The following PCDH15 variants were observed in gnomAD, a reference collection of about 807,000 sequenced individuals.
PCDH15 encodes protocadherin related 15.
A neutral mutation model predicts 178.5 loss-of-function variants in PCDH15; 129 were observed. The observed-to-expected ratio is 0.72, with a 90% CI of 0.63 to 0.84. The LOEUF (loss-of-function observed/expected upper bound fraction) is 0.84, where lower values mean the gene tolerates loss of function less well. Among genes scored for constraint, PCDH15 ranks in the 40% least tolerant of loss-of-function variants. The pLI, the probability that PCDH15 is intolerant of heterozygous loss-of-function variation, is 0.00. For synonymous variants in PCDH15, 800 were observed against 732.0 expected (o/e 1.09, Z -1.50); for missense variants, 2,230 against 2,099.9 (o/e 1.06, Z -1.21).
chr10:55,047,484 T>A (rs937028423), intron 2 of PCDH15, among the ~76,000 whole-genome samples: 1 of 151,882 alleles, frequency 6.6e-6, no homozygotes, highest in African/African-American at 2.4e-5. Flanking sequence ...AGATATTTTC[T>A]TATAAAAGTA....
chr10:54,049,769 C>A (rs890181172), intron 18 of PCDH15, among the ~76,000 whole-genome samples: 1 of 151,936 alleles, frequency 6.6e-6, no homozygotes, highest in African/African-American at 2.4e-5. Flanking sequence ...TACAAGCACC[C>A]GCCACCAAGC....
intron 2 of PCDH15, among the ~76,000 whole-genome samples, chr10:55,033,474 A>T (rs1398347284): frequency 6.6e-6 from 1 of 151,686 alleles, no homozygotes; most frequent in Non-Finnish European, 1.5e-5. Flanking sequence ...TGTGTTTTGG[A>T]CTCACTTGGG....
At chr10:54,492,830 C>G (rs1051688299) in intron 3 of PCDH15, among the ~76,000 whole-genome samples, 1 of 152,092 alleles carries the variant, frequency 6.6e-6, no homozygotes, top group East Asian at 1.9e-4. Context: ...GTGTACTAGT[C>G]TGTTTTCATG....
intron 2 of PCDH15, among the ~76,000 whole-genome samples, chr10:55,085,089 G>C (rs897263103): frequency 6.6e-6 from 1 of 151,910 alleles, no homozygotes; most frequent in Non-Finnish European, 1.5e-5. Context: ...ATACCCCAAA[G>C]AAAGAAAATC....
chr10:53,853,252 T>C lies in PCDH15; in HGVS notation c.3806+3923A>G, dbSNP rs1480258091. On this transcript the variant is annotated intron_variant, in intron 28 of 37. Coordinates refer to ENST00000644397, the MANE Select transcript of PCDH15 (RefSeq NM_001384140.1). ...AAGGCTGGACCCTTATCTTACACCA[T>C]ATACAAAAATTAACTCAAAATGGAT... is the stretch of plus-strand genomic sequence containing the variant. Among the ~76,000 whole-genome samples the C allele has an allele frequency of 2.0e-5, 3 of 151,262 alleles. No individual in the cohort carries two copies. In the East Asian group the frequency reaches 5.8e-4, roughly 29 times the overall value.
intron 5 of PCDH15, among the ~76,000 whole-genome samples, chr10:54,359,274 A>T (rs1308545490): frequency 1.3e-5 from 2 of 151,902 alleles, no homozygotes; most frequent in Non-Finnish European, 2.9e-5. Flanking sequence ...AACTAAAAAA[A>T]AACAAAAACT....
At chr10:53,817,634 GT>G (rs1274088446) in intron 34 of PCDH15, among the ~76,000 whole-genome samples, 4 of 146,206 alleles carry the variant, frequency 2.7e-5, no homozygotes, top group Non-Finnish European at 5.9e-5. Context: ...CAATTCTCCT[GT>G]CTCAGCCTCC....
At chr10:54,735,866 T>C (rs1376641537) in intron 1 of PCDH15, among the ~76,000 whole-genome samples, 1 of 84,200 alleles carries the variant, frequency 1.2e-5, no homozygotes, top group African/African-American at 4.5e-5. Context: ...GGGACTGTTG[T>C]GGGGTGGGGG....
intron 2 of PCDH15, among the ~76,000 whole-genome samples, chr10:55,487,836 T>C (rs573251782): frequency 6.3e-4 from 96 of 151,748 alleles, no homozygotes; most frequent in African/African-American, 2.2e-3. Context: ...TATCACATTG[T>C]AATTTTAATT....
intron 13 of PCDH15, among the ~76,000 whole-genome samples, chr10:54,181,377 T>C (rs1159260950): frequency 2.0e-5 from 3 of 152,156 alleles, no homozygotes; most frequent in African/African-American, 7.2e-5. Context: ...ACACTATATT[T>C]ATTTTATTTT....
rs71888268 is a variant in PCDH15, at chr10:54,853,460, C to CATAT, written c.-29+43986_-29+43989dup. Among the ~76,000 whole-genome samples the CATAT allele has an allele frequency of 8.2e-3, 1,154 of 140,490 alleles. 10 individuals carry two copies. Among genetic ancestry groups the CATAT allele is most frequent in the South Asian group, 0.018 (80 of 4,526 alleles). 92.2% of individuals were successfully genotyped at this position (140,490 alleles called of 152,430 possible). On this transcript the variant is annotated intron_variant, in intron 3 of 5. Coordinates refer to the PCDH15 transcript ENST00000458638. Reference sequence around the variant, plus strand: ...ATACACATATATATATATACACATACATATATATATATATATAGTATTACA... The same window carrying CATAT: ...ATACACATATATATATATACACATACATATATATATATATATATATAGTATTACA...
intron 3 of PCDH15, among the ~76,000 whole-genome samples, chr10:54,433,725 A>G (rs1051054940): frequency 6.6e-6 from 1 of 152,202 alleles, no homozygotes; most frequent in African/African-American, 2.4e-5. Context: ...CAAAGGATAA[A>G]TGCTTGAGGG....
At chr10:55,555,035 T>C (rs1007030377) in intron 2 of PCDH15, among the ~76,000 whole-genome samples, 1 of 152,066 alleles carries the variant, frequency 6.6e-6, no homozygotes, top group Non-Finnish European at 1.5e-5. Flanking sequence ...TCCTTACTAT[T>C]TGAAGAAAAT....
chr10:54,606,737 AAAGAT>A (rs2092757571), intron 2 of PCDH15: 1 of 152,186 alleles, frequency 6.6e-6, no homozygotes, highest in South Asian at 2.1e-4. Context: ...AGATATCATA[AAAGAT>A]AAGAAGTCAA....
chr10:55,337,742 T>C (rs1211568391), intron 2 of PCDH15, among the ~76,000 whole-genome samples: 1 of 152,146 alleles, frequency 6.6e-6, no homozygotes, highest in African/African-American at 2.4e-5. Flanking sequence ...ATCAATGAGA[T>C]TAGTAAAGAT....
intron 15 of PCDH15, among the ~76,000 whole-genome samples, chr10:54,121,952 T>C (rs1350434513): frequency 6.6e-6 from 1 of 150,922 alleles, no homozygotes; most frequent in African/African-American, 2.4e-5. Context: ...GATTCCTAAC[T>C]GATTCTATGA....
rs984130883 is a variant in PCDH15, at chr10:54,089,889, A to G, written c.1997+95T>C. ...AGAAAACAGAAAGGGAAGTACAACT[A>G]CAAACAGCTGAAAGCCTCTGATTAG... On this transcript the variant is annotated intron_variant, in intron 16 of 37. Coordinates refer to ENST00000644397, the MANE Select transcript of PCDH15 (RefSeq NM_001384140.1). 17 of 952,736 alleles carry G rather than the reference A, an allele frequency of 1.8e-5. No homozygotes were observed. In the East Asian group the frequency reaches 3.7e-4, roughly 21 times the overall value. 59.0% of individuals were successfully genotyped at this position (952,736 alleles called of 1,614,324 possible).
chr10:54,253,398 T>C (rs2056653766), intron 8 of PCDH15, among the ~76,000 whole-genome samples: 1 of 152,030 alleles, frequency 6.6e-6, no homozygotes, highest in Non-Finnish European at 1.5e-5. Flanking sequence ...CTGATCACAT[T>C]CACTAGCACA....
intron 2 of PCDH15, among the ~76,000 whole-genome samples, chr10:54,634,758 C>T (rs1383537081): frequency 6.6e-6 from 1 of 151,970 alleles, no homozygotes; most frequent in African/African-American, 2.4e-5. Context: ...TTAAAACAAG[C>T]ATTTTAACCT....
Sources: allele counts gnomAD v4.1 joint callset (sites outside exome capture counted in the v4.1 genomes callset), GRCh38; gene constraint gnomAD v4.1.1; transcripts MANE v1.5; gene names NCBI Gene and HGNC (gene_info 2026-07-23, HGNC 2026-07-21).